ANO10: variants seen among roughly 807,000 people sequenced by gnomAD.
The protein encoded by ANO10 is anoctamin-10.
In ANO10, 77 loss-of-function variants were observed where a neutral mutation model predicts 74.7. The observed-to-expected ratio is 1.03, with a 90% CI of 0.86 to 1.25. ANO10 has a LOEUF of 1.25. Ranked by LOEUF, ANO10 falls within the 50% of genes most tolerant of loss-of-function variation. The probability of loss-of-function intolerance (pLI) is 0.00; values close to 1 mark genes in which losing one functional copy is unlikely to be tolerated. For synonymous variants in ANO10, 279 were observed against 284.9 expected (o/e 0.98, Z 0.21); for missense variants, 721 against 778.1 (o/e 0.93, Z 0.87).
intron 11 of ANO10, among the ~76,000 whole-genome samples, chr3:43,440,268 T>A (rs994376059): frequency 2.6e-5 from 4 of 151,630 alleles, no homozygotes; most frequent in Non-Finnish European, 5.9e-5. Flanking sequence ...GAATGGATTT[T>A]AAAAAAAACC....
chr3:43,639,831 A>T (rs934640459), intron 1 of ANO10, among the ~76,000 whole-genome samples: 1 of 152,014 alleles, frequency 6.6e-6, no homozygotes, highest in Non-Finnish European at 1.5e-5. Context: ...CTGCCTTTTT[A>T]GAAAGTAGGA....
chr3:43,562,246 A>G (rs1241149313), intron 8 of ANO10, among the ~76,000 whole-genome samples: 2 of 151,784 alleles, frequency 1.3e-5, no homozygotes, highest in African/African-American at 4.8e-5. Flanking sequence ...AGGTCAGGAG[A>G]TCGAGACCAT....
intron 11 of ANO10, among the ~76,000 whole-genome samples, chr3:43,473,837 G>A (rs1559585136): frequency 1.3e-5 from 2 of 152,132 alleles, no homozygotes; most frequent in African/African-American, 4.8e-5. Context: ...TGGGGTTGTG[G>A]GGAAGGCTAT....
chr3:43,642,815 A>C (rs1216709374), intron 1 of ANO10, among the ~76,000 whole-genome samples: 2 of 151,736 alleles, frequency 1.3e-5, no homozygotes, highest in East Asian at 3.9e-4. Context: ...ATCTAAAAAT[A>C]TATTCTGGAG....
chr3:43,510,075 A>G (rs2077451990), intron 11 of ANO10, among the ~76,000 whole-genome samples: 1 of 152,098 alleles, frequency 6.6e-6, no homozygotes, highest in African/African-American at 2.4e-5. Context: ...ATGGTAATGG[A>G]GCAGTCCTGT....
At position 43,607,370 on chromosome 3, in the gene ANO10, A is replaced by T. The variant is rs75434851; in HGVS notation, c.-11-1507T>A. The stretch of plus-strand genomic sequence containing the variant: ...AACAAAACAAACAAACAAAAAAAAA[A>T]CCAAGGCAATGGGAAATAATGGAGT... On this transcript the variant is annotated intron_variant, in intron 1 of 12. Transcript: ENST00000292246. Among the ~76,000 whole-genome samples, 65 of 151,936 alleles carry T rather than the reference A, an allele frequency of 4.3e-4. No individual in the cohort carries two copies. The South Asian group carries it at 6.4e-3, about 15-fold the overall frequency.
chr3:43,688,674 C>T (rs752653671), intron 1 of ANO10, among the ~76,000 whole-genome samples: 21 of 152,140 alleles, frequency 1.4e-4, no homozygotes, highest in Non-Finnish European at 1.9e-4. Context: ...GAAACCCCAT[C>T]TCTACTAAAA....
At chr3:43,443,491 C>G (rs972865353) in intron 11 of ANO10, among the ~76,000 whole-genome samples, 1 of 151,912 alleles carries the variant, frequency 6.6e-6, no homozygotes, top group African/African-American at 2.4e-5. Flanking sequence ...CTTGAGGCTC[C>G]CTTTTCAGTT....
intron 11 of ANO10, among the ~76,000 whole-genome samples, chr3:43,480,442 G>A (rs1323194373): frequency 6.6e-6 from 1 of 152,188 alleles, no homozygotes; most frequent in Non-Finnish European, 1.5e-5. Flanking sequence ...AGCTTCCAGA[G>A]AGAATGAACA....
chr3:43,553,539 CTTTT>C (rs34196766), intron 10 of ANO10, among the ~76,000 whole-genome samples: 4 of 136,044 alleles, frequency 2.9e-5, no homozygotes, highest in Admixed American at 7.3e-5. Context: ...TAATTTCTCT[CTTTT>C]TTTTTTTTTT....
chr3:43,631,915 T>C (rs1011223384), intron 1 of ANO10, among the ~76,000 whole-genome samples: 18 of 151,914 alleles, frequency 1.2e-4, no homozygotes, highest in Non-Finnish European at 2.5e-4. Flanking sequence ...AAACCCCGTC[T>C]CTACTAAAAA....
At chr3:43,606,076 T>C (rs939638825) in intron 1 of ANO10, among the ~76,000 whole-genome samples, 17 of 152,158 alleles carry the variant, frequency 1.1e-4, no homozygotes, top group Non-Finnish European at 1.9e-4. Context: ...TCCTTTTCTA[T>C]AAGCAGCTCA....
intron 1 of ANO10, among the ~76,000 whole-genome samples, chr3:43,660,926 C>G (rs1466906239): frequency 3.3e-5 from 5 of 152,114 alleles, no homozygotes; most frequent in Admixed American, 2.0e-4. Flanking sequence ...TGCACTCTAG[C>G]CTGGGCAACA....
At chr3:43,375,797 G>A (rs1304740498) in intron 12 of ANO10, among the ~76,000 whole-genome samples, 1 of 128,216 alleles carries the variant, frequency 7.8e-6, no homozygotes, top group Non-Finnish European at 1.8e-5. Context: ...GGAGCCTGGG[G>A]GAGAAGGTGT....
chr3:43,382,852 A>G (rs761525184), intron 12 of ANO10, among the ~76,000 whole-genome samples: 1 of 152,220 alleles, frequency 6.6e-6, no homozygotes, highest in African/African-American at 2.4e-5. Flanking sequence ...GAACAGACCA[A>G]TAACAAGCAG....
In ANO10 at chr3:43,441,608, C is replaced by T. The variant is rs938277978; in HGVS notation, c.1798-8881G>A. Among the ~76,000 whole-genome samples the T allele has an allele frequency of 4.6e-5, 7 of 152,024 alleles. No individual in the cohort carries two copies. In the South Asian group the frequency reaches 1.0e-3, roughly 22 times the overall value. On this transcript the variant is annotated intron_variant, in intron 11 of 12. Transcript: ENST00000292246. ...AAGAAGAATTACCACCAATACACCT[C>T]GAATTCTTCCAAAATACTGACAAGA...
intron 11 of ANO10, among the ~76,000 whole-genome samples, chr3:43,450,943 T>A (rs1050421568): frequency 1.3e-5 from 2 of 152,226 alleles, no homozygotes; most frequent in Non-Finnish European, 1.5e-5. Context: ...AGGCATTTTT[T>A]TCTGTTGCTT....
rs1463116087 is a variant in ANO10 at position 43,565,670 on chromosome 3, T to C, written c.1276A>G (p.Met426Val). The C allele has an allele frequency of 6.3e-7, 1 of 1,580,202 alleles. No individual in the cohort carries two copies. The highest frequency in any genetic ancestry group is 8.6e-7 in the Non-Finnish European group (1 of 1,163,802). Residue 426 changes from methionine to valine, a missense_variant, in exon 8 of 13, where the codon ATG becomes GTG. Transcript: ENST00000292246. Reference sequence around the variant, plus strand: ...TTACTTACCTGGCGCAAAAGCTTCATATCTTTCAAGACAAAGGCAATATAG... The same window carrying C: ...TTACTTACCTGGCGCAAAAGCTTCACATCTTTCAAGACAAAGGCAATATAG... ...LFYIAFVLKDMKLLRQSLATL... is the reference protein window; with the variant it reads ...LFYIAFVLKDVKLLRQSLATL...
In ANO10 at chr3:43,576,917, G is replaced by A. The variant is rs201479117; in HGVS notation, c.937C>T (p.Arg313Cys). ...AATGGCAGGGAGACCAGGTAAATGC[G>A]CAACTGTCTCTTGTAGCTGGGGTAC... Reference protein sequence around the residue: ...PLYPSYKRQLRIYLVSLPFVC... With the variant: ...PLYPSYKRQLCIYLVSLPFVC... The change falls in exon 6 of 13, where the codon CGC becomes TGC. Residue 313 changes from arginine to cysteine, a missense_variant. Physicochemically the swap from Arg to Cys is radical, Grantham distance 180 (BLOSUM62 -3). Transcript: ENST00000292246. 1.9e-5 allele frequency: 30 copies of A among 1,614,008 alleles called. No homozygotes were observed. The highest frequency in any genetic ancestry group is 6.7e-5 in the Admixed American group (4 of 59,992).
Sources: allele counts gnomAD v4.1 joint callset (sites outside exome capture counted in the v4.1 genomes callset), GRCh38; gene constraint gnomAD v4.1.1; transcripts MANE v1.5; gene names NCBI Gene and HGNC (gene_info 2026-07-23, HGNC 2026-07-21).